The following GP6 variants were observed in gnomAD, a reference collection of about 807,000 sequenced individuals.
GP6 encodes glycoprotein VI platelet.
GP6 carries 45 observed loss-of-function variants against 37.3 expected under a neutral mutation model. The observed-to-expected ratio is 1.21, with a 90% CI of 0.95 to 1.55. The LOEUF (loss-of-function observed/expected upper bound fraction) is 1.55. Among genes scored for constraint, GP6 ranks in the 40% most tolerant of loss-of-function variants. The pLI is 0.00. For synonymous variants in GP6, 340 were observed against 316.4 expected (o/e 1.07, Z -0.79); for missense variants, 813 against 760.2 (o/e 1.07, Z -0.82).
rs370855777 is a variant in GP6 at position 55,027,610 on chromosome 19, G to A, written c.578C>T (p.Ala193Val). 3 of 1,613,194 alleles carry A rather than the reference G, an allele frequency of 1.9e-6. No individual in the cohort carries two copies. The highest frequency in any genetic ancestry group is 2.5e-6 in the Non-Finnish European group (3 of 1,179,210). Residue 193 changes from alanine to valine, a missense_variant, in exon 4 of 8, where the codon GCC becomes GTC. Transcript: ENST00000310373. ...CACAAGCTCCAGGGGGTCGCTGGGG[G>A]CTGACCACAGGTATGGGTCCCTGCT...
chr19:55,034,823 A>G (rs897742315), intron 1 of GP6, among the ~76,000 whole-genome samples: 10 of 152,094 alleles, frequency 6.6e-5, no homozygotes, highest in Non-Finnish European at 1.2e-4. Context: ...TAGCTCACAT[A>G]GCAAGAAGTG....
rs1369811776 is a variant in GP6 at position 55,014,988 on chromosome 19, G to C, written c.957C>G (p.Asp319Glu). 1 of 1,613,434 alleles carries C rather than the reference G, an allele frequency of 6.2e-7. No homozygotes were observed. ...ATCCTGACCCCCGTTTGATTTCCGG[G>C]TCAGCGGGAGGGGCGGGAGGGGCGG... Residue 319 changes from aspartate to glutamate, a missense_variant, in exon 8 of 8, where the codon GAC becomes GAG. By Grantham distance (45) the Asp-to-Glu change is conservative (BLOSUM62 2). Coordinates refer to ENST00000310373, the MANE Select transcript of GP6 (RefSeq NM_001083899.2).
intron 1 of GP6, among the ~76,000 whole-genome samples, chr19:55,034,943 G>C (rs1671207): frequency 0.22 from 32,920 of 151,882 alleles, 3,640 homozygotes; most frequent in East Asian, 0.24. Flanking sequence ...GCACCCCAAC[G>C]CAAGCTCCGG....
At position 55,015,014 on chromosome 19, in the gene GP6, A is replaced by G. The variant is rs750792954; in HGVS notation, c.931T>C (p.Ser311Pro). The G allele has an allele frequency of 1.9e-6, 3 of 1,611,998 alleles. No homozygotes were observed. The East Asian group carries it at 6.7e-5, about 36-fold the overall frequency. Residue 311 changes from serine to proline, a missense_variant, in exon 8 of 8, where the codon TCC becomes CCC. Ser to Pro is a moderately conservative substitution (Grantham distance 74). Transcript: ENST00000310373. ...TCAGCGGGAGGGGCGGGAGGGGCGG[A>G]AGCGGCCTCTGCACAGCCCTGCCCC...
chr19:55,015,122 T>C lies in GP6; in HGVS notation c.823A>G (p.Met275Val). ...TTATTAGGATCACAGCCCCGAGGCA[T>C]ATCCGGACCAGGTTGCCCTTGGTGT... Residue 275 changes from methionine (M) to valine (V), a missense_variant, in exon 8 of 8, where the codon ATG (methionine) becomes GTG (valine). Met to Val is a conservative substitution (Grantham distance 21). Transcript: ENST00000310373. 6.3e-7 allele frequency: 1 copy of C among 1,581,254 alleles called. No homozygotes were observed. The highest frequency in any genetic ancestry group is 8.6e-7 in the Non-Finnish European group (1 of 1,163,376).
intron 1 of GP6, among the ~76,000 whole-genome samples, chr19:55,037,583 C>T (rs958294585): frequency 1.3e-5 from 2 of 150,602 alleles, no homozygotes; most frequent in East Asian, 1.9e-4. Context: ...ATGGCCCACC[C>T]GCCTCGGCCT....
At chr19:55,025,845 T>C in intron 4 of GP6, among the ~76,000 whole-genome samples, 1 of 151,088 alleles carries the variant, frequency 6.6e-6, no homozygotes, top group East Asian at 1.9e-4. Context: ...CTACGAAAAA[T>C]ACAAAAATTA....
At chr19:55,018,950 T>G (rs778532439) in intron 5 of GP6, 10 of 592,428 alleles carry the variant, frequency 1.7e-5, no homozygotes, top group African/African-American at 3.7e-5. Context: ...TTTGCTGTTA[T>G]GAATATTGCT....
At chr19:55,037,335 AT>A (rs200634689) in intron 1 of GP6, among the ~76,000 whole-genome samples, 5,531 of 138,152 alleles carry the variant, frequency 0.04, 86 homozygotes, top group African/African-American at 0.062. Context: ...CAATTCCACA[AT>A]TTTTTTTTTT....
chr19:55,017,182 T>A (rs988349069), intron 6 of GP6, among the ~76,000 whole-genome samples: 1 of 151,096 alleles, frequency 6.6e-6, no homozygotes, highest in Non-Finnish European at 1.5e-5. Flanking sequence ...TGTGGTGTGA[T>A]CTCAGGTCAC....
intron 3 of GP6, among the ~76,000 whole-genome samples, chr19:55,030,579 G>C (rs1304770342): frequency 6.6e-6 from 1 of 151,972 alleles, no homozygotes; most frequent in African/African-American, 2.4e-5. Flanking sequence ...CTGACCTTAA[G>C]TGATCCACCC....
At chr19:55,030,833 G>A (rs1486045114) in intron 3 of GP6, among the ~76,000 whole-genome samples, 1 of 152,058 alleles carries the variant, frequency 6.6e-6, no homozygotes, top group Non-Finnish European at 1.5e-5. Flanking sequence ...ATATAATATA[G>A]TTGTGTCTAT....
At chr19:55,026,431 A>G (rs2074304787) in intron 4 of GP6, among the ~76,000 whole-genome samples, 1 of 109,154 alleles carries the variant, frequency 9.2e-6, no homozygotes, top group Non-Finnish European at 2.0e-5. Context: ...AGAATCATAC[A>G]GTAGTTGTCC....
At chr19:55,015,509 C>T (rs937984024) in intron 7 of GP6, among the ~76,000 whole-genome samples, 174 bp downstream of exon 7, 1 of 152,164 alleles carries the variant, frequency 6.6e-6, no homozygotes, top group Non-Finnish European at 1.5e-5. Flanking sequence ...AAATCTCAAC[C>T]TTCCCACCTG....
chr19:55,036,161 A>G (rs2074823762), intron 1 of GP6, among the ~76,000 whole-genome samples: 1 of 152,112 alleles, frequency 6.6e-6, no homozygotes, highest in Admixed American at 6.6e-5. Flanking sequence ...GTGGAAAACA[A>G]AAATCTGTAT....
chr19:55,029,168 C>CA (rs1204727315), intron 3 of GP6, among the ~76,000 whole-genome samples: 2 of 151,114 alleles, frequency 1.3e-5, no homozygotes, highest in Non-Finnish European at 2.9e-5. Flanking sequence ...CTGTAACATT[C>CA]ACTCAGCAAT....
chr19:55,029,360 ATATATATATATATATTTTTTTTTTTTTT>A (rs2074465605), intron 3 of GP6, among the ~76,000 whole-genome samples: 1 of 2,554 alleles, frequency 3.9e-4, no homozygotes, highest in Non-Finnish European at 6.3e-4. Context: ...ATATATATAT[ATATATATATATATATTTTTTTTTTTTTT>A]TTTTTTTTTT....
intron 1 of GP6, among the ~76,000 whole-genome samples, chr19:55,033,404 A>G (rs62122019): frequency 0.17 from 2,255 of 13,320 alleles, 11 homozygotes; most frequent in East Asian, 0.41. Context: ...TGTGTTAGAC[A>G]CGGTGGGCTC....
intron 3 of GP6, among the ~76,000 whole-genome samples, chr19:55,030,877 C>T (rs1336605907): frequency 6.6e-6 from 1 of 152,086 alleles, no homozygotes; most frequent in African/African-American, 2.4e-5. Context: ...GATACAGGGT[C>T]TCACTCTGTC....
Sources: allele counts gnomAD v4.1 joint callset (sites outside exome capture counted in the v4.1 genomes callset), GRCh38; gene constraint gnomAD v4.1.1; transcripts MANE v1.5; gene names NCBI Gene and HGNC (gene_info 2026-07-23, HGNC 2026-07-21).